Variants in DOCK10 observed in about 807,000 individuals in gnomAD.
DOCK10 encodes dedicator of cytokinesis protein 10.
DOCK10 carries 145 observed loss-of-function variants against 280.1 expected under a neutral mutation model. That is an observed-to-expected ratio of 0.52 (90% confidence interval 0.45 to 0.59). The LOEUF is 0.59. Among genes scored for constraint, DOCK10 ranks in the 20% least tolerant of loss-of-function variants. The pLI, the probability that DOCK10 is intolerant of heterozygous loss-of-function variation, is 0.00. For synonymous variants in DOCK10, 915 were observed against 942.2 expected (o/e 0.97, Z 0.53); for missense variants, 2,368 against 2,651.7 (o/e 0.89, Z 2.35).
At chr2:224,878,386 T>C (rs887052533) in intron 7 of DOCK10, among the ~76,000 whole-genome samples, 1 of 152,234 alleles carries the variant, frequency 6.6e-6, no homozygotes, top group African/African-American at 2.4e-5. Flanking sequence ...TGGGATTATA[T>C]TGATAGCAAA....
chr2:224,774,132 A>G (rs1443190288), intron 52 of DOCK10, among the ~76,000 whole-genome samples: 1 of 152,220 alleles, frequency 6.6e-6, no homozygotes, highest in East Asian at 1.9e-4. Context: ...TTTAGACATC[A>G]GTGCTACTGA....
intron 1 of DOCK10, among the ~76,000 whole-genome samples, chr2:224,942,367 C>T (rs990939680): frequency 2.0e-5 from 3 of 152,366 alleles, no homozygotes; most frequent in Admixed American, 2.0e-4. Context: ...CCCCCGGTTA[C>T]TCCTGCTTCT....
At chr2:224,961,424 T>TTCTTTCTTTCTC in intron 1 of DOCK10, among the ~76,000 whole-genome samples, 1 of 117,684 alleles carries the variant, frequency 8.5e-6, no homozygotes, top group Non-Finnish European at 1.8e-5. Flanking sequence ...CTTTCTTTCT[T>TTCTTTCTTTCTC]TCTTTCTTTC....
At position 224,965,693 on chromosome 2, in the gene DOCK10, C is replaced by T. The variant is rs114094816; in HGVS notation, c.124-34025G>A. Among the ~76,000 whole-genome samples the T allele has an allele frequency of 8.9e-3, 1,357 of 152,274 alleles. 19 individuals carry two copies. The highest frequency in any genetic ancestry group is 0.034 in the South Asian group (162 of 4,820). ...TGTCAGAACTTGAAAATAGCAGGTGCTCCATAATTATTAAGAAATTAACTG... is the reference window on the plus strand; with the variant it reads ...TGTCAGAACTTGAAAATAGCAGGTGTTCCATAATTATTAAGAAATTAACTG... On this transcript the variant is annotated intron_variant, in intron 1 of 55. Coordinates refer to ENST00000258390, the MANE Select transcript of DOCK10 (RefSeq NM_014689.3).
At chr2:224,991,419 C>T (rs1262308379) in intron 1 of DOCK10, among the ~76,000 whole-genome samples, 1 of 152,198 alleles carries the variant, frequency 6.6e-6, no homozygotes, top group African/African-American at 2.4e-5. Context: ...GTACAAAACA[C>T]TGGCATAAAT....
chr2:225,030,621 C>T (rs1690049693), intron 1 of DOCK10, among the ~76,000 whole-genome samples: 1 of 152,188 alleles, frequency 6.6e-6, no homozygotes, highest in Admixed American at 6.5e-5. Flanking sequence ...GATTGGTGAT[C>T]ACACCTGCTT....
chr2:224,776,758 C>T (rs1436465287), intron 51 of DOCK10, among the ~76,000 whole-genome samples: 2 of 152,218 alleles, frequency 1.3e-5, no homozygotes, highest in African/African-American at 4.8e-5. Context: ...ACCTGCCATT[C>T]TCTAAACATA....
Position 224,874,159 on chromosome 2 carries a change from A to T in DOCK10, c.1102-8T>A, listed in dbSNP as rs202018077. 1.4e-3 allele frequency: 2,178 copies of T among 1,582,860 alleles called. 1 individual carries two copies. Among genetic ancestry groups the T allele is most frequent in the Non-Finnish European group, 1.7e-3 (2,021 of 1,165,098 alleles). On this transcript the variant is annotated splice_polypyrimidine_tract_variant and splice_region_variant and intron_variant, in intron 10 of 55. Transcript: ENST00000258390. Reference sequence around the variant, plus strand: ...TTTTTGAAGTTTCAAGGTCTAAAAAAGTTTTGAATGAGTCACCAAACATCC... The same window carrying T: ...TTTTTGAAGTTTCAAGGTCTAAAAATGTTTTGAATGAGTCACCAAACATCC...
chr2:224,845,324 A>G lies in DOCK10; in HGVS notation c.2360T>C (p.Val787Ala). The stretch of plus-strand genomic sequence containing the variant: ...CATCAGAGGAAGCCAAGCATATCCA[A>G]CTGTGCAAAAGAATAACCAACAAAA... The part of the protein sequence containing the change: ...AKKKEALETS[V>A]GYAWLPLMKH... The change falls in exon 21 of 56, where the codon GTT becomes GCT. Residue 787 changes from valine to alanine, a missense_variant and splice_region_variant. Physicochemically the swap from Val to Ala is moderately conservative, Grantham distance 64. Coordinates refer to ENST00000258390, the MANE Select transcript of DOCK10 (RefSeq NM_014689.3). 6.3e-7 allele frequency: 1 copy of G among 1,589,630 alleles called. No homozygotes were observed. The highest frequency in any genetic ancestry group is 8.6e-7 in the Non-Finnish European group (1 of 1,166,820).
intron 1 of DOCK10, among the ~76,000 whole-genome samples, chr2:225,041,243 G>C (rs1690415195): frequency 6.6e-6 from 1 of 152,158 alleles, no homozygotes; most frequent in Non-Finnish European, 1.5e-5. Context: ...GAGCCGTTTA[G>C]TTCCTAATGA....
Position 225,042,278 on chromosome 2 carries a change from C to A in DOCK10, c.97G>T (p.Ala33Ser). The change falls in exon 1 of 56, where the codon GCA (alanine) becomes TCA (serine). Residue 33 changes from alanine (A) to serine (S), a missense_variant. Around this residue, in one of 2 missense-constraint regions of DOCK10, gnomAD observed 1,209 missense variants for 1,250.9 expected, o/e 0.97. Transcript: ENST00000258390. This position sits in a 1 kb window ranked among gnomAD's most constrained non-coding sequence, Gnocchi z 5.1. ...CGCTGCTGCTGCCGGCTGCTGACTG[C>A]CACCGCGGCGGCGGACGCGGCGCTG... ...RHSAASAAAVAVSSRQQQRQE... is the reference protein window; with the variant it reads ...RHSAASAAAVSVSSRQQQRQE... 2 of 1,336,262 alleles carry A rather than the reference C, an allele frequency of 1.5e-6. No individual in the cohort carries two copies. The highest frequency in any genetic ancestry group is 1.9e-5 in the South Asian group (1 of 51,436). 82.8% of individuals were successfully genotyped at this position (1,336,262 alleles called of 1,614,324 possible).
chr2:224,997,466 A>T (rs920497568), intron 1 of DOCK10, among the ~76,000 whole-genome samples: 3 of 152,082 alleles, frequency 2.0e-5, no homozygotes, highest in South Asian at 2.1e-4. Flanking sequence ...TCTTGACCAC[A>T]GGTGATCCGC....
At chr2:224,811,467 T>C (rs543842617) in intron 31 of DOCK10, among the ~76,000 whole-genome samples, 66 of 152,330 alleles carry the variant, frequency 4.3e-4, no homozygotes, top group Admixed American at 1.4e-3. Context: ...TTTCTTTTGC[T>C]GTGCAGAAGC....
At chr2:224,915,981 A>G (rs1048003433) in intron 3 of DOCK10, among the ~76,000 whole-genome samples, 2 of 152,198 alleles carry the variant, frequency 1.3e-5, no homozygotes, top group African/African-American at 4.8e-5. Context: ...ATGAAATGTA[A>G]TCTCCAATGT....
chr2:224,937,999 C>T (rs1487996140), intron 1 of DOCK10, among the ~76,000 whole-genome samples: 1 of 152,158 alleles, frequency 6.6e-6, no homozygotes, highest in Non-Finnish European at 1.5e-5. Context: ...TCCCTCGTGA[C>T]TGAGGACCGC....
intron 15 of DOCK10, among the ~76,000 whole-genome samples, chr2:224,856,322 C>T (rs1310452938): frequency 6.6e-6 from 1 of 152,080 alleles, no homozygotes; most frequent in Non-Finnish European, 1.5e-5. Context: ...TAACAGATCA[C>T]CCCAGAACCT....
rs900041000 is a variant in DOCK10, at chr2:224,823,491, A to G, written c.3183+10T>C. On this transcript the variant is annotated intron_variant, in intron 28 of 55. Transcript: ENST00000258390. The stretch of plus-strand genomic sequence containing the variant: ...GCCTTGAATAGAACTGCGATCTCAT[A>G]TAACTGTACCTTGAGAAATCTGGCA... The G allele has an allele frequency of 3.8e-6, 6 of 1,584,358 alleles. No individual in the cohort carries two copies. The African/African-American group carries it at 6.9e-5, about 18-fold the overall frequency.
chr2:224,873,913 A>G, intron 11 of DOCK10, 83 bp downstream of exon 11: 1 of 1,409,716 alleles, frequency 7.1e-7, no homozygotes. Flanking sequence ...AGTGCCTGGA[A>G]TTAGCAGGAA....
intron 53 of DOCK10, among the ~76,000 whole-genome samples, chr2:224,772,804 A>C (rs1216174808): frequency 6.6e-6 from 1 of 152,176 alleles, no homozygotes; most frequent in Non-Finnish European, 1.5e-5. Context: ...TTTCAAAACA[A>C]TTTTTTAAGG....
Sources: allele counts gnomAD v4.1 joint callset (sites outside exome capture counted in the v4.1 genomes callset), GRCh38; gene constraint gnomAD v4.1.1; regional missense constraint gnomAD v4.1.1; non-coding constraint Gnocchi (gnomAD v3.1); transcripts MANE v1.5; gene names NCBI Gene and HGNC (gene_info 2026-07-23, HGNC 2026-07-21).